Variants in PARG observed in about 807,000 individuals in gnomAD.
The protein encoded by PARG is poly(ADP-ribose) glycohydrolase, also known as mitochondrial poly(ADP-ribose) glycohydrolase.
Under a neutral mutation model 113.0 loss-of-function variants are expected in PARG, and 35 were observed. The ratio of observed to expected loss-of-function variants is 0.31; its 90% CI spans 0.24 to 0.41. The LOEUF is 0.41. Among genes scored for constraint, PARG ranks in the 10% least tolerant of loss-of-function variants. The pLI, the probability that PARG is intolerant of heterozygous loss-of-function variation, is 1.00. For synonymous variants in PARG, 330 were observed against 409.9 expected (o/e 0.81, Z 2.36); for missense variants, 797 against 1,169.4 (o/e 0.68, Z 4.64).
chr10:49,889,059 G>GTTT lies in PARG; in HGVS notation c.1738-3767_1738-3765dup, dbSNP rs61640355. Reference sequence around the variant, plus strand: ...AATTTCCATTTGGTTTCTCTGGATAGTTTTTTTTTTTTTCTTTGCTGGGAC... The same window carrying GTTT: ...AATTTCCATTTGGTTTCTCTGGATAGTTTTTTTTTTTTTTTTCTTTGCTGGGAC... On this transcript the variant is annotated intron_variant, in intron 7 of 17. Coordinates refer to ENST00000616448, the MANE Select transcript of PARG (RefSeq NM_003631.5). 2.2e-4 allele frequency among the ~76,000 whole-genome samples: 32 copies of GTTT among 143,040 alleles called. 1 individual carries two copies. The highest frequency in any genetic ancestry group is 3.3e-4 in the Non-Finnish European group (22 of 66,110). The allele number at this position is 143,040 out of a possible 152,430, so 93.8% of individuals were successfully genotyped here.
chr10:49,846,038 G>A (rs1408327863), intron 13 of PARG, among the ~76,000 whole-genome samples: 1 of 150,170 alleles, frequency 6.7e-6, no homozygotes, highest in Non-Finnish European at 1.5e-5. Flanking sequence ...TAGCTAAGTT[G>A]ACATTAAAAA....
At chr10:49,915,197 A>C (rs1269050257) in intron 7 of PARG, among the ~76,000 whole-genome samples, 4 of 151,672 alleles carry the variant, frequency 2.6e-5, no homozygotes, top group African/African-American at 9.7e-5. Flanking sequence ...AAAAAAAAAA[A>C]ACACAAAATG....
chr10:49,842,038 C>T lies in PARG; in HGVS notation c.2453G>A (p.Cys818Tyr), dbSNP rs184776302. The change falls in exon 15 of 18, where the codon TGC becomes TAC. Residue 818 changes from cysteine (C) to tyrosine (Y), a missense_variant. Physicochemically the swap from Cys to Tyr is radical, Grantham distance 194. This residue lies in a region of PARG where 194 missense variants were observed against 247.1 expected (regional missense o/e 0.79). Coordinates refer to ENST00000616448, the MANE Select transcript of PARG (RefSeq NM_003631.5). Reference protein sequence around the residue: ...GSERDDWQRRCTEIVAIDALH... With the variant: ...GSERDDWQRRYTEIVAIDALH... Reference sequence around the variant, plus strand: ...AGCATCGATGGCAACGATCTCAGTGCAGCGCCGCTGCCAGTCGTCCCTGGG... The same window carrying T: ...AGCATCGATGGCAACGATCTCAGTGTAGCGCCGCTGCCAGTCGTCCCTGGG... 200 of 1,549,780 alleles carry T rather than the reference C, an allele frequency of 1.3e-4. 1 individual carries two copies. The African/African-American group carries it at 2.5e-3, about 19-fold the overall frequency.
chr10:49,836,623 T>A (rs1051000498), intron 15 of PARG, among the ~76,000 whole-genome samples: 8 of 152,142 alleles, frequency 5.3e-5, no homozygotes, highest in Admixed American at 3.9e-4. Context: ...CCACTACAAA[T>A]GATACATTTT....
chr10:49,891,625 T>TA (rs1847809427), intron 7 of PARG, among the ~76,000 whole-genome samples: 3 of 69,304 alleles, frequency 4.3e-5, no homozygotes, highest in African/African-American at 1.8e-4. Flanking sequence ...ATATATATAT[T>TA]TTTTTTTTTT....
chr10:49,889,422 A>G (rs1847659479), intron 7 of PARG, among the ~76,000 whole-genome samples: 1 of 152,134 alleles, frequency 6.6e-6, no homozygotes. Context: ...AGCCTTTAGT[A>G]CCCAAAGTGG....
chr10:49,896,549 T>C (rs1848099136), intron 7 of PARG, among the ~76,000 whole-genome samples: 1 of 152,112 alleles, frequency 6.6e-6, no homozygotes, highest in Non-Finnish European at 1.5e-5. Context: ...CCTCCCAGAG[T>C]GTTAGGATTA....
chr10:49,890,453 C>A (rs1554841250), intron 7 of PARG, among the ~76,000 whole-genome samples: 2 of 152,214 alleles, frequency 1.3e-5, no homozygotes. Context: ...AAACAAATAC[C>A]TGAGGAACTA....
chr10:49,927,303 CAAGA>C (rs781927701), intron 4 of PARG, among the ~76,000 whole-genome samples: 1,357 of 135,118 alleles, frequency 0.01, 19 homozygotes, highest in African/African-American at 0.036. Flanking sequence ...AAGACTCTGT[CAAGA>C]AAGAAAGAAA....
At chr10:49,842,122 CAG>C (rs1845273239) in intron 14 of PARG, 64 bp from the exon 15 acceptor site, 8 of 1,131,560 alleles carry the variant, frequency 7.1e-6, no homozygotes, top group African/African-American at 3.1e-5. Context: ...AAAATCCTCT[CAG>C]GGGTCAGGTT....
chr10:49,906,979 C>G (rs1227035710), intron 7 of PARG, among the ~76,000 whole-genome samples: 12 of 151,908 alleles, frequency 7.9e-5, no homozygotes, highest in Non-Finnish European at 1.5e-5. Context: ...CATATGGTTA[C>G]TTAAGGCAGT....
chr10:49,929,594 G>A (rs1463870894), intron 4 of PARG, among the ~76,000 whole-genome samples: 9 of 152,348 alleles, frequency 5.9e-5, no homozygotes, highest in South Asian at 4.1e-4. Flanking sequence ...TTGGAAGGAC[G>A]AGGTGGGCAG....
intron 6 of PARG, among the ~76,000 whole-genome samples, chr10:49,917,019 C>G (rs1837509235): frequency 6.6e-6 from 1 of 151,826 alleles, no homozygotes; most frequent in Non-Finnish European, 1.5e-5. Context: ...AAAAGATGAG[C>G]CAACAAAATG....
chr10:49,914,043 A>G (rs1464068150), intron 7 of PARG, among the ~76,000 whole-genome samples: 1 of 152,224 alleles, frequency 6.6e-6, no homozygotes, highest in Non-Finnish European at 1.5e-5. Flanking sequence ...CTTGCTATAT[A>G]TTACCCGTTT....
chr10:49,919,894 A>G (rs4012663), intron 6 of PARG, among the ~76,000 whole-genome samples: 1 of 152,182 alleles, frequency 6.6e-6, no homozygotes, highest in Non-Finnish European at 1.5e-5. Flanking sequence ...ACCAACATCC[A>G]TCAACTGTTC....
chr10:49,821,694 T>C (rs1554828684), intron 16 of PARG, among the ~76,000 whole-genome samples: 1 of 152,174 alleles, frequency 6.6e-6, no homozygotes, highest in Non-Finnish European at 1.5e-5. Flanking sequence ...AGGGTATCTT[T>C]TTACAGTTTT....
chr10:49,866,880 AAAGT>A lies in PARG; in HGVS notation c.2069-1503_2069-1500del, dbSNP rs538762432. Reference sequence around the variant, plus strand: ...AGACACTTTATCTAAAACTATATAGAAAGTAATTTAATTCAGAAGGCTTTTTAAA... The same window carrying A: ...AGACACTTTATCTAAAACTATATAGAAATTTAATTCAGAAGGCTTTTTAAA... On this transcript the variant is annotated intron_variant, in intron 10 of 17. Transcript: ENST00000616448. 1.8e-4 allele frequency among the ~76,000 whole-genome samples: 27 copies of A among 152,218 alleles called. No individual in the cohort carries two copies. The South Asian group carries it at 5.6e-3, about 32-fold the overall frequency.
chr10:49,901,692 A>G (rs1418292783), intron 7 of PARG, among the ~76,000 whole-genome samples: 1 of 151,984 alleles, frequency 6.6e-6, no homozygotes, highest in Non-Finnish European at 1.5e-5. Context: ...TAGTTAAAAC[A>G]AATGCTATTA....
Position 49,823,848 on chromosome 10 carries a change from CT to C in PARG, c.2648-3556del, listed in dbSNP as rs1246337872. Among the ~76,000 whole-genome samples, 4 of 152,118 alleles carry C rather than the reference CT, an allele frequency of 2.6e-5. No homozygotes were observed. In the East Asian group the frequency reaches 7.7e-4, roughly 29 times the overall value. The stretch of plus-strand genomic sequence containing the variant: ...AATAAAAAACATTTAAAATTTATCT[CT>C]TTATAGAATTTATTTTATATTAAGA... On this transcript the variant is annotated intron_variant, in intron 16 of 17. Coordinates refer to ENST00000616448, the MANE Select transcript of PARG (RefSeq NM_003631.5).
Sources: allele counts gnomAD v4.1 joint callset (sites outside exome capture counted in the v4.1 genomes callset), GRCh38; gene constraint gnomAD v4.1.1; regional missense constraint gnomAD v4.1.1; transcripts MANE v1.5; gene names NCBI Gene and HGNC (gene_info 2026-07-23, HGNC 2026-07-21).